The following GRHL2 variants were observed in gnomAD, a reference collection of about 807,000 sequenced individuals.
GRHL2 encodes the protein grainyhead like transcription factor 2, also known as grainyhead-like protein 2 homolog.
In GRHL2, 21 loss-of-function variants were observed where a neutral mutation model predicts 83.8. That is an observed-to-expected ratio of 0.25 (90% confidence interval 0.18 to 0.36). The LOEUF (loss-of-function observed/expected upper bound fraction) is 0.36, where lower values mean the gene tolerates loss of function less well. Ranked by LOEUF, GRHL2 falls within the 10% of genes least tolerant of loss-of-function variation. The pLI is 1.00. For synonymous variants in GRHL2, 280 were observed against 278.9 expected (o/e 1.00, Z -0.04); for missense variants, 623 against 781.8 (o/e 0.80, Z 2.42).
chr8:101,495,007 A>G (rs1192591385), intron 1 of GRHL2, among the ~76,000 whole-genome samples: 1 of 152,222 alleles, frequency 6.6e-6, no homozygotes, highest in Non-Finnish European at 1.5e-5. Context: ...CTTTAAGTCA[A>G]TACATGACTT....
At chr8:101,550,738 T>A (rs1031457995) in intron 2 of GRHL2, among the ~76,000 whole-genome samples, 2 of 152,224 alleles carry the variant, frequency 1.3e-5, no homozygotes, top group African/African-American at 2.4e-5. Flanking sequence ...AACAGAAAAC[T>A]CTGTACTGTT....
intron 8 of GRHL2, among the ~76,000 whole-genome samples, chr8:101,616,313 G>C (rs1812856912): frequency 6.6e-6 from 1 of 151,916 alleles, no homozygotes; most frequent in Non-Finnish European, 1.5e-5. Context: ...TGGGATTACA[G>C]GTGCCCACCA....
At chr8:101,559,591 A>G (rs1362366900) in intron 4 of GRHL2, among the ~76,000 whole-genome samples, 1 of 152,142 alleles carries the variant, frequency 6.6e-6, no homozygotes, top group African/African-American at 2.4e-5. Flanking sequence ...AATACTCAAG[A>G]AGGAGAATTT....
intron 8 of GRHL2, among the ~76,000 whole-genome samples, chr8:101,600,082 G>A (rs1812479017): frequency 1.3e-5 from 2 of 152,166 alleles, no homozygotes; most frequent in Non-Finnish European, 2.9e-5. Flanking sequence ...GGGAAGGCTG[G>A]GTGAGAAAGG....
intron 3 of GRHL2, among the ~76,000 whole-genome samples, chr8:101,557,224 CTTTTT>C (rs34785282): frequency 2.5e-5 from 3 of 122,446 alleles, no homozygotes; most frequent in Non-Finnish European, 1.6e-5. Flanking sequence ...ATTAACAATA[CTTTTT>C]TTTTTTTTTT....
At chr8:101,495,624 T>C (rs1412727571) in intron 1 of GRHL2, among the ~76,000 whole-genome samples, 2 of 152,186 alleles carry the variant, frequency 1.3e-5, no homozygotes, top group Admixed American at 6.5e-5. Context: ...AGGTACTATG[T>C]GATTTGATAC....
chr8:101,559,220 A>G (rs904815287), intron 4 of GRHL2, among the ~76,000 whole-genome samples: 25 of 152,154 alleles, frequency 1.6e-4, no homozygotes, highest in Middle Eastern at 3.4e-3. Flanking sequence ...TTAAAAAACA[A>G]TATAACTTTG....
chr8:101,588,468 T>C (rs1812212473), intron 7 of GRHL2, among the ~76,000 whole-genome samples: 1 of 152,166 alleles, frequency 6.6e-6, no homozygotes, highest in African/African-American at 2.4e-5. Flanking sequence ...CAAACTAGAA[T>C]AGTGCATGAG....
intron 7 of GRHL2, among the ~76,000 whole-genome samples, chr8:101,598,536 G>T (rs910875051): frequency 1.3e-5 from 2 of 150,386 alleles, no homozygotes; most frequent in Non-Finnish European, 2.9e-5. Flanking sequence ...CACCACACCC[G>T]GCCCCAAAAG....
chr8:101,523,981 C>A (rs533710325), intron 1 of GRHL2, among the ~76,000 whole-genome samples: 1 of 152,112 alleles, frequency 6.6e-6, no homozygotes. Flanking sequence ...TAATAGAATG[C>A]CCCACCATTT....
chr8:101,638,160 C>T (rs1813327097), intron 12 of GRHL2, among the ~76,000 whole-genome samples: 1 of 152,098 alleles, frequency 6.6e-6, no homozygotes, highest in Admixed American at 6.5e-5. Context: ...GTTTTTTCTT[C>T]AAACTACAGT....
chr8:101,508,506 T>G (rs1316774048), intron 1 of GRHL2, among the ~76,000 whole-genome samples: 1 of 151,984 alleles, frequency 6.6e-6, no homozygotes, highest in Non-Finnish European at 1.5e-5. Context: ...TGTAGAGCAT[T>G]TATAGTCAGT....
chr8:101,605,978 TA>T (rs1812625064), intron 8 of GRHL2, among the ~76,000 whole-genome samples: 1 of 152,254 alleles, frequency 6.6e-6, no homozygotes, highest in Non-Finnish European at 1.5e-5. Flanking sequence ...TTCTTTAGTA[TA>T]TTTTTTCTGT....
chr8:101,596,644 AAAAT>A (rs774648544), intron 7 of GRHL2, among the ~76,000 whole-genome samples: 47 of 152,368 alleles, frequency 3.1e-4, no homozygotes, highest in Non-Finnish European at 5.0e-4. Context: ...GCATTAGGCA[AAAAT>A]AAATAAAGAA....
chr8:101,611,394 G>A (rs1256184927), intron 8 of GRHL2, among the ~76,000 whole-genome samples: 1 of 150,746 alleles, frequency 6.6e-6, no homozygotes, highest in East Asian at 1.9e-4. Flanking sequence ...GACTCCCACA[G>A]CCACTCCTCT....
At chr8:101,599,737 C>T (rs1344319735) in intron 8 of GRHL2, among the ~76,000 whole-genome samples, 1 of 152,216 alleles carries the variant, frequency 6.6e-6, no homozygotes, top group Middle Eastern at 3.4e-3. Flanking sequence ...AAATCTGTGG[C>T]GAAGTGAGCC....
rs952032729 is a variant in GRHL2, at chr8:101,667,035, C to T, written c.*332C>T. On this transcript the variant is annotated 3_prime_UTR_variant, in exon 16 of 16. Coordinates refer to ENST00000646743, the MANE Select transcript of GRHL2 (RefSeq NM_024915.4). Reference sequence around the variant, plus strand: ...GCTAGCTCCAGATGAGACCGTCCAGCGTTCCCCCTTCAAGAGAAACACTCA... The same window carrying T: ...GCTAGCTCCAGATGAGACCGTCCAGTGTTCCCCCTTCAAGAGAAACACTCA... 21 of 421,606 alleles carry T rather than the reference C, an allele frequency of 5.0e-5. No individual in the cohort carries two copies. Among genetic ancestry groups the T allele is most frequent in the Middle Eastern group, 6.7e-4 (1 of 1,486 alleles). The allele number at this position is 421,606 out of a possible 1,614,324, so 26.1% of individuals were successfully genotyped here. A position where few individuals can be genotyped will look rare whatever the true frequency, so the allele number is the denominator to read the frequency against.
At chr8:101,678,588 AG>A in the GRHL2 span, among the ~76,000 whole-genome samples, 1 of 151,786 alleles carries the variant, frequency 6.6e-6, no homozygotes, top group Non-Finnish European at 1.5e-5. Flanking sequence ...CCACAGCTCA[AG>A]GAGGCCTGCC....
chr8:101,588,846 A>G (rs1429168624), intron 7 of GRHL2, among the ~76,000 whole-genome samples: 1 of 152,268 alleles, frequency 6.6e-6, no homozygotes, highest in Non-Finnish European at 1.5e-5. Flanking sequence ...TAGAACAGAC[A>G]TTCTTGAGTC....
Sources: gnomAD v4.1 joint callset for allele counts (sites outside exome capture counted in the v4.1 genomes callset) on GRCh38, gnomAD v4.1.1 for gene constraint, MANE v1.5 for transcripts, NCBI Gene and HGNC (gene_info 2026-07-23, HGNC 2026-07-21) for gene names.